Variants in CHSY3 observed in about 807,000 individuals in gnomAD.
The protein encoded by CHSY3 is N-acetylgalactosaminyl-proteoglycan 3-beta-glucuronosyltransferase 3.
CHSY3 carries 35 observed loss-of-function variants against 67.2 expected under a neutral mutation model. The observed-to-expected ratio is 0.52, with a 90% CI of 0.40 to 0.69. The LOEUF (loss-of-function observed/expected upper bound fraction) is 0.69. Among genes scored for constraint, CHSY3 ranks in the 30% least tolerant of loss-of-function variants. The pLI is 0.00. For missense variants in CHSY3, 1,069 were observed against 1,138.5 expected (o/e 0.94, Z 0.88); for synonymous variants, 474 against 434.7 (o/e 1.09, Z -1.12).
At position 129,975,605 on chromosome 5, in the gene CHSY3, A is replaced by G. The variant is rs550251442; in HGVS notation, c.1086+67245A>G. Among the ~76,000 whole-genome samples, 36 of 152,330 alleles carry G rather than the reference A, an allele frequency of 2.4e-4. No homozygotes were observed. The South Asian group carries it at 7.2e-3, about 31-fold the overall frequency. ...ACCTAATGTGATTATTTGATTTTTT[A>G]AATTTTATAAACCATTTTTGACATA... On this transcript the variant is annotated intron_variant, in intron 2 of 2. Coordinates refer to ENST00000305031, the MANE Select transcript of CHSY3 (RefSeq NM_175856.5).
intron 2 of CHSY3, among the ~76,000 whole-genome samples, chr5:129,976,540 A>G (rs116255913): frequency 0.01 from 1,551 of 152,306 alleles, 21 homozygotes; most frequent in African/African-American, 0.034. Flanking sequence ...ATAAAAGGGA[A>G]TGACTGAATG....
intron 2 of CHSY3, among the ~76,000 whole-genome samples, chr5:129,969,522 G>A (rs79038085): frequency 0.012 from 1,753 of 151,822 alleles, 23 homozygotes; most frequent in African/African-American, 0.04. Flanking sequence ...TTGAAATACT[G>A]CATGAATATC....
chr5:130,144,806 T>A (rs1769022174), intron 2 of CHSY3, among the ~76,000 whole-genome samples: 1 of 152,190 alleles, frequency 6.6e-6, no homozygotes, highest in Non-Finnish European at 1.5e-5. Flanking sequence ...TCTCAATTGC[T>A]ATCAAGAAAT....
chr5:130,051,095 A>G (rs958023659), intron 2 of CHSY3, among the ~76,000 whole-genome samples: 2 of 152,154 alleles, frequency 1.3e-5, no homozygotes, highest in Non-Finnish European at 2.9e-5. Context: ...TTGCAAGTAA[A>G]TCTTTAGTAA....
At position 129,905,246 on chromosome 5, in the gene CHSY3, G is replaced by C; in HGVS notation, c.417G>C (p.Gly139=). 2 of 1,456,048 alleles carry C rather than the reference G, an allele frequency of 1.4e-6. No individual in the cohort carries two copies. The highest frequency in any genetic ancestry group is 1.8e-6 in the Non-Finnish European group (2 of 1,106,854). 90.2% of individuals were successfully genotyped at this position (1,456,048 alleles called of 1,614,324 possible). Reference sequence around the variant, plus strand: ...AGGGGGAGCCCGAGGAGGAGGACGGGGGCGCGGCTGGGCAGCGGAGAGACG... The same window carrying C: ...AGGGGGAGCCCGAGGAGGAGGACGGCGGCGCGGCTGGGCAGCGGAGAGACG... ...AAEGEPEEED[G]GAAGQRRDGR... Residue 139 remains glycine (G), a synonymous_variant, in exon 1 of 3, where the codon GGG becomes GGC. Coordinates refer to ENST00000305031, the MANE Select transcript of CHSY3 (RefSeq NM_175856.5).
intron 2 of CHSY3, among the ~76,000 whole-genome samples, chr5:130,124,039 C>CAAAAAAAAAAAAAA (rs11297427): frequency 3.4e-5 from 2 of 58,232 alleles, no homozygotes; most frequent in Non-Finnish European, 3.0e-5. Context: ...GACTCCATCT[C>CAAAAAAAAAAAAAA]AAAAAAAAAA....
At chr5:130,152,891 T>A (rs1219379907) in intron 2 of CHSY3, among the ~76,000 whole-genome samples, 1 of 152,324 alleles carries the variant, frequency 6.6e-6, no homozygotes, top group East Asian at 1.9e-4. Context: ...GTGTACATCA[T>A]CTCTGTAGCC....
intron 2 of CHSY3, among the ~76,000 whole-genome samples, chr5:130,017,503 G>A (rs746210025): frequency 3.8e-4 from 58 of 152,186 alleles, no homozygotes; most frequent in Non-Finnish European, 7.4e-4. Context: ...TAATCCTGAT[G>A]GAAGTGAAAG....
intron 2 of CHSY3, among the ~76,000 whole-genome samples, chr5:129,937,921 G>T (rs1167796001): frequency 6.6e-6 from 1 of 152,118 alleles, no homozygotes; most frequent in African/African-American, 2.4e-5. Context: ...TGCTTTCACA[G>T]GCTGGTGTAT....
rs369051809 is a variant in CHSY3 at position 130,151,426 on chromosome 5, A to C, written c.1087-32803A>C. On this transcript the variant is annotated intron_variant, in intron 2 of 2. Transcript: ENST00000305031. The stretch of plus-strand genomic sequence containing the variant: ...TCAGAAAGCAAGTACTGACATGCTC[A>C]AATCATTCTTTCACACATCCATTCA... 1.1e-4 allele frequency among the ~76,000 whole-genome samples: 17 copies of C among 152,332 alleles called. 1 individual carries two copies. Among genetic ancestry groups the C allele is most frequent in the Admixed American group, 6.5e-4 (10 of 15,288 alleles).
At chr5:129,905,797 T>A in intron 1 of CHSY3, 166 bp downstream of exon 1, 1 of 1,367,484 alleles carries the variant, frequency 7.3e-7, no homozygotes, top group Non-Finnish European at 9.6e-7. Context: ...CGCCCACAAT[T>A]CGTAGCCCGT....
At chr5:130,141,248 C>T in intron 2 of CHSY3, 1 of 477,576 alleles carries the variant, frequency 2.1e-6, no homozygotes, top group South Asian at 1.8e-5. Context: ...CTGGTAGAGT[C>T]ATGACTGTCC....
intron 2 of CHSY3, among the ~76,000 whole-genome samples, chr5:130,004,427 A>C (rs1763815763): frequency 6.6e-6 from 1 of 152,214 alleles, no homozygotes; most frequent in Non-Finnish European, 1.5e-5. Context: ...TAGAATTAGA[A>C]ATATTGATTG....
intron 2 of CHSY3, among the ~76,000 whole-genome samples, chr5:130,038,758 A>G (rs1482311584): frequency 1.3e-5 from 2 of 152,126 alleles, no homozygotes. Flanking sequence ...GGAATGGTTT[A>G]TCTGCACTGC....
At chr5:130,101,536 C>T (rs1050287677) in intron 2 of CHSY3, among the ~76,000 whole-genome samples, 14 of 152,102 alleles carry the variant, frequency 9.2e-5, no homozygotes, top group Admixed American at 2.6e-4. Flanking sequence ...CATTGTGGAA[C>T]GGCTAAGTCA....
At chr5:130,050,830 C>T (rs1322944146) in intron 2 of CHSY3, among the ~76,000 whole-genome samples, 1 of 152,082 alleles carries the variant, frequency 6.6e-6, no homozygotes, top group African/African-American at 2.4e-5. Context: ...AGAATTGTTA[C>T]CACATTCAGC....
chr5:129,951,273 T>C (rs1177626489), intron 2 of CHSY3, among the ~76,000 whole-genome samples: 5 of 152,080 alleles, frequency 3.3e-5, no homozygotes, highest in Non-Finnish European at 5.9e-5. Context: ...TAAACTTAAA[T>C]CCTAAGCCAT....
intron 2 of CHSY3, among the ~76,000 whole-genome samples, chr5:130,161,978 T>A (rs1769556997): frequency 6.9e-6 from 1 of 144,754 alleles, no homozygotes; most frequent in Admixed American, 7.3e-5. Flanking sequence ...AGTTTGAGGC[T>A]GCAGTGAGCC....
intron 2 of CHSY3, among the ~76,000 whole-genome samples, chr5:130,018,196 AAT>A (rs1403320399): frequency 3.9e-5 from 6 of 152,142 alleles, no homozygotes; most frequent in Admixed American, 1.3e-4. Flanking sequence ...CAAAAAAGTT[AAT>A]CTTATTTTTT....
Sources: allele counts gnomAD v4.1 joint callset (sites outside exome capture counted in the v4.1 genomes callset), GRCh38; gene constraint gnomAD v4.1.1; transcripts MANE v1.5; gene names NCBI Gene and HGNC (gene_info 2026-07-23, HGNC 2026-07-21).